The following LEFTY2 variants were observed in gnomAD, a reference collection of about 807,000 sequenced individuals.
LEFTY2 encodes the protein left-right determination factor 2, also known as TGF-beta-4.
LEFTY2 carries 10 observed loss-of-function variants against 26.4 expected under a neutral mutation model. The observed-to-expected ratio is 0.38, with a 90% CI of 0.23 to 0.64. The LOEUF (loss-of-function observed/expected upper bound fraction) is 0.64, where lower values mean the gene tolerates loss of function less well. Ranked by LOEUF, LEFTY2 falls within the 30% of genes least tolerant of loss-of-function variation. The probability of loss-of-function intolerance (pLI) is 0.56; values close to 1 mark genes in which losing one functional copy is unlikely to be tolerated. For synonymous variants in LEFTY2, 204 were observed against 234.1 expected, an observed-to-expected ratio of 0.87 and a Z score of 1.17; for missense variants, 407 against 502.1, an observed-to-expected ratio of 0.81 and a Z score of 1.81.
At position 225,941,013 on chromosome 1, in the gene LEFTY2, A is replaced by G; in HGVS notation, c.128T>C (p.Leu43Pro). The change falls in exon 1 of 4, where the codon CTG becomes CCG. Residue 43 changes from leucine (L) to proline (P), a missense_variant. Transcript: ENST00000366820. The part of the protein sequence containing the change: ...RQLQLSEVPV[L>P]DRADMEKLVI... ...CAGCTTCTCCATGTCGGCCCTGTCC[A>G]GTACGGGCACCTCGCTGAGCTGCAG... The G allele has an allele frequency of 1.2e-6, 2 of 1,613,362 alleles. No homozygotes were observed. The highest frequency in any genetic ancestry group is 1.7e-6 in the Non-Finnish European group (2 of 1,179,856).
At position 225,940,972 on chromosome 1, in the gene LEFTY2, C is replaced by A. The variant is rs115510690; in HGVS notation, c.169G>T (p.Val57Leu). 1 of 1,613,720 alleles carries A rather than the reference C, an allele frequency of 6.2e-7. No homozygotes were observed. Among genetic ancestry groups the A allele is most frequent in the African/African-American group, 1.3e-5 (1 of 75,044 alleles). The stretch of plus-strand genomic sequence containing the variant: ...AGCAGGACTACATACTGGGCCCTCA[C>A]GTGGGCGGGGATGACCAGCTTCTCC... ...DMEKLVIPAH[V>L]RAQYVVLLRR... The change falls in exon 1 of 4, where the codon GTG becomes TTG. Residue 57 changes from valine to leucine, a missense_variant. Transcript: ENST00000366820.
chr1:225,937,036 G>T lies in LEFTY2; in HGVS notation c.*405C>A, dbSNP rs189653868. ...AAAAGTCCAGAATGGGTCAGTATTT[G>T]GGGGAAATAGAGATTTGAAGGTTTT... On this transcript the variant is annotated 3_prime_UTR_variant, in exon 4 of 4. Transcript: ENST00000366820. 7.4e-4 allele frequency: 224 copies of T among 304,516 alleles called. 1 individual carries two copies. The highest frequency in any genetic ancestry group is 4.5e-3 in the African/African-American group (207 of 45,712). The allele number at this position is 304,516 out of a possible 1,614,324, so 18.9% of individuals were successfully genotyped here. A position where few individuals can be genotyped will look rare whatever the true frequency, so the allele number is the denominator to read the frequency against.
chr1:225,940,927 G>T lies in LEFTY2; in HGVS notation c.214C>A (p.Arg72Ser). The T allele has an allele frequency of 1.2e-6, 2 of 1,613,630 alleles. No individual in the cohort carries two copies. The highest frequency in any genetic ancestry group is 1.7e-6 in the Non-Finnish European group (2 of 1,179,798). ...VVLLRRSHGD[R>S]SRGKRFSQSF... ...TGGCTGAACCTCTTTCCGCGGGAGC[G>T]GTCCCCGTGGCTGCGCCGCAGCAGG... The change falls in exon 1 of 4, where the codon CGC (arginine) becomes AGC (serine). Residue 72 changes from arginine to serine, a missense_variant. By Grantham distance (110) the Arg-to-Ser change is moderately radical. Coordinates refer to ENST00000366820, the MANE Select transcript of LEFTY2 (RefSeq NM_003240.5).
In LEFTY2 at chr1:225,940,946, C is replaced by T. The variant is rs373309083; in HGVS notation, c.195G>A (p.Leu65=). The T allele has an allele frequency of 3.1e-6, 5 of 1,613,624 alleles. No homozygotes were observed. The highest frequency in any genetic ancestry group is 1.3e-5 in the African/African-American group (1 of 74,932). The change falls in exon 1 of 4, where the codon CTG becomes CTA. Residue 65 remains leucine, a synonymous_variant. Coordinates refer to ENST00000366820, the MANE Select transcript of LEFTY2 (RefSeq NM_003240.5). The stretch of plus-strand genomic sequence containing the variant: ...GGGAGCGGTCCCCGTGGCTGCGCCG[C>T]AGCAGGACTACATACTGGGCCCTCA... ...AHVRAQYVVL[L]RRSHGDRSRG...
intron 1 of LEFTY2, 80 bp downstream of exon 1, chr1:225,940,811 C>T (rs1672303288): frequency 3.1e-6 from 5 of 1,599,956 alleles, no homozygotes; most frequent in Non-Finnish European, 4.3e-6. Flanking sequence ...AGGCCAGGGG[C>T]CCTTCGACAC....
At position 225,939,401 on chromosome 1, in the gene LEFTY2, G is replaced by T. The variant is rs764833469; in HGVS notation, c.697C>A (p.Pro233Thr). 1.5e-5 allele frequency: 25 copies of T among 1,613,274 alleles called. No homozygotes were observed. Among genetic ancestry groups the T allele is most frequent in the African/African-American group, 2.7e-5 (2 of 74,924 alleles). ...TCCAGGGTGTGCAGCTCCAGCTGGG[G>T]CTCCCCAAGCCCGGCTGGCGCCCCC... The part of the protein sequence containing the change: ...SQGAPAGLGE[P>T]QLELHTLDLR... The change falls in exon 3 of 4, where the codon CCC (proline) becomes ACC (threonine). Residue 233 changes from proline (P) to threonine (T), a missense_variant. Physicochemically the swap from Pro to Thr is conservative, Grantham distance 38. Transcript: ENST00000366820. This position sits in a 1 kb window ranked among gnomAD's most constrained non-coding sequence, Gnocchi z 4.1.
In LEFTY2 at chr1:225,937,681, G is replaced by A; in HGVS notation, c.861C>T (p.Gly287=). 6.2e-7 allele frequency: 1 copy of A among 1,613,946 alleles called. No individual in the cohort carries two copies. The highest frequency in any genetic ancestry group is 8.5e-7 in the Non-Finnish European group (1 of 1,179,850). The change falls in exon 4 of 4, where the codon GGC becomes GGT. Residue 287 remains glycine (G), a synonymous_variant. Coordinates refer to ENST00000366820, the MANE Select transcript of LEFTY2 (RefSeq NM_003240.5). Reference sequence around the variant, plus strand: ...TGCCCACACACTCGTAAGCCAGGAAGCCCGGGGGCTCCAGCACCCAGTTCT... The same window carrying A: ...TGCCCACACACTCGTAAGCCAGGAAACCCGGGGGCTCCAGCACCCAGTTCT... The part of the protein sequence containing the change: ...WAKNWVLEPP[G]FLAYECVGTC...
Position 225,937,341 on chromosome 1 carries a change from A to G in LEFTY2, c.*100T>C. ...GGCGAAGGTCACACAGGAGCACTAA[A>G]TTGGGATGGAGTAACTTGCTAAGTA... On this transcript the variant is annotated 3_prime_UTR_variant, in exon 4 of 4. Transcript: ENST00000366820. The G allele has an allele frequency of 6.3e-7, 1 of 1,588,902 alleles. No homozygotes were observed. Among genetic ancestry groups the G allele is most frequent in the South Asian group, 1.1e-5 (1 of 90,292 alleles).
Position 225,937,444 on chromosome 1 carries a change from T to C in LEFTY2, c.1098A>G (p.Pro366=), listed in dbSNP as rs756126244. 5.0e-6 allele frequency: 8 copies of C among 1,613,844 alleles called. No homozygotes were observed. Among genetic ancestry groups the C allele is most frequent in the Non-Finnish European group, 5.1e-6 (6 of 1,180,044 alleles). The change falls in exon 4 of 4, where the codon CCA becomes CCG. Residue 366 remains proline (P), a synonymous_variant. Transcript: ENST00000366820. ...DGALVPRRLQ[P] ...GCTCAATGGATACACCAGGCGCCTA[T>C]GGCTGGAGCCTCCTTGGCACGAGCG...
Position 225,939,117 on chromosome 1 carries a change from C to G in LEFTY2, c.737+244G>C, listed in dbSNP as rs1407422639. On this transcript the variant is annotated intron_variant, in intron 3 of 3. Coordinates refer to ENST00000366820, the MANE Select transcript of LEFTY2 (RefSeq NM_003240.5). This position sits in a 1 kb window ranked among gnomAD's most constrained non-coding sequence, Gnocchi z 4.1. ...AAACTCCTGATCTTGTGATCCAGCC[C>G]GCCTCGGCCTCCCAAAGTGCTAGGA... 1.3e-5 allele frequency among the ~76,000 whole-genome samples: 2 copies of G among 151,864 alleles called. No homozygotes were observed. The highest frequency in any genetic ancestry group is 2.4e-5 in the African/African-American group (1 of 41,348).
Position 225,939,327 on chromosome 1 carries a change from T to A in LEFTY2, c.737+34A>T. On this transcript the variant is annotated intron_variant, in intron 3 of 3. Coordinates refer to ENST00000366820, the MANE Select transcript of LEFTY2 (RefSeq NM_003240.5). The surrounding 1 kb of genome is among the most constrained non-coding windows in gnomAD (Gnocchi z 4.1). ...ACGGGGGTCTGGACCACTCAGTGGC[T>A]GCTTGCCTCCCTTCTGCCCAGTCCT... 1 of 1,612,924 alleles carries A rather than the reference T, an allele frequency of 6.2e-7. No homozygotes were observed. Among genetic ancestry groups the A allele is most frequent in the Non-Finnish European group, 8.5e-7 (1 of 1,179,638 alleles).
At position 225,937,288 on chromosome 1, in the gene LEFTY2, G is replaced by T; in HGVS notation, c.*153C>A. 2 of 1,248,692 alleles carry T rather than the reference G, an allele frequency of 1.6e-6. No individual in the cohort carries two copies. The highest frequency in any genetic ancestry group is 1.3e-5 in the South Asian group (1 of 79,720). 77.4% of individuals were successfully genotyped at this position (1,248,692 alleles called of 1,614,324 possible). ...TAAGTGCTTAGGATGGGTGATGGAC[G>T]GGAAAGACAGGAAATGGAAGGACAC... is the stretch of plus-strand genomic sequence containing the variant. On this transcript the variant is annotated 3_prime_UTR_variant, in exon 4 of 4. Transcript: ENST00000366820.
At chr1:225,940,763 G>C in intron 1 of LEFTY2, 128 bp downstream of exon 1, 1 of 1,424,478 alleles carries the variant, frequency 7.0e-7, no homozygotes, top group Non-Finnish European at 9.6e-7. Context: ...CTGCTCCTTG[G>C]ACCGTGGCCC....
rs115510690 is a variant in LEFTY2, at chr1:225,940,972, C to T, written c.169G>A (p.Val57Met). 2.8e-4 allele frequency: 445 copies of T among 1,613,720 alleles called. 3 individuals carry two copies. In the African/African-American group the frequency reaches 4.7e-3, roughly 17 times the overall value. ...DMEKLVIPAHVRAQYVVLLRR... is the reference protein window; with the variant it reads ...DMEKLVIPAHMRAQYVVLLRR... ...AGCAGGACTACATACTGGGCCCTCA[C>T]GTGGGCGGGGATGACCAGCTTCTCC... The change falls in exon 1 of 4, where the codon GTG becomes ATG. Residue 57 changes from valine to methionine, a missense_variant. Coordinates refer to ENST00000366820, the MANE Select transcript of LEFTY2 (RefSeq NM_003240.5).
In LEFTY2 at chr1:225,939,484, C is replaced by G. The variant is rs776106315; in HGVS notation, c.614G>C (p.Arg205Thr). 3 of 1,611,372 alleles carry G rather than the reference C, an allele frequency of 1.9e-6. No individual in the cohort carries two copies. Among genetic ancestry groups the G allele is most frequent in the Admixed American group, 1.7e-5 (1 of 59,826 alleles). ...GGACGCCAGCGGGCCCAGATGCTCC[C>G]TCTGCACCGACACCTGTAGCAGCAG... Reference protein sequence around the residue: ...QPLLLQVSVQREHLGPLASGA... With the variant: ...QPLLLQVSVQTEHLGPLASGA... Residue 205 changes from arginine to threonine, a missense_variant, in exon 3 of 4, where the codon AGG becomes ACG. By Grantham distance (71) the Arg-to-Thr change is moderately conservative. Transcript: ENST00000366820. The surrounding 1 kb of genome is among the most constrained non-coding windows in gnomAD (Gnocchi z 4.1).
rs1469955332 is a variant in LEFTY2 at position 225,936,699 on chromosome 1, G to A, written c.*742C>T. On this transcript the variant is annotated 3_prime_UTR_variant, in exon 4 of 4. Coordinates refer to ENST00000366820, the MANE Select transcript of LEFTY2 (RefSeq NM_003240.5). The stretch of plus-strand genomic sequence containing the variant: ...AAATACATGTGGTTTCTGGTGACAA[G>A]TTCTCTAAGACAGTGTGGGAAATGA... 2 of 152,218 alleles carry A rather than the reference G, an allele frequency of 1.3e-5. No homozygotes were observed. The highest frequency in any genetic ancestry group is 1.3e-4 in the Admixed American group (2 of 15,284). 9.4% of individuals were successfully genotyped at this position (152,218 alleles called of 1,614,324 possible).
Position 225,937,189 on chromosome 1 carries a change from C to T in LEFTY2, c.*252G>A. ...CCCAGCTGAAAATGTGTGCATTGCTCAGCTGTATCTTGTAATCAGCATGCC... is the reference window on the plus strand; with the variant it reads ...CCCAGCTGAAAATGTGTGCATTGCTTAGCTGTATCTTGTAATCAGCATGCC... On this transcript the variant is annotated 3_prime_UTR_variant, in exon 4 of 4. Transcript: ENST00000366820. 1 of 602,436 alleles carries T rather than the reference C, an allele frequency of 1.7e-6. No individual in the cohort carries two copies. The highest frequency in any genetic ancestry group is 2.9e-5 in the East Asian group (1 of 35,084). The allele number at this position is 602,436 out of a possible 1,614,324, so 37.3% of individuals were successfully genotyped here. A position where few individuals can be genotyped will look rare whatever the true frequency, so the allele number is the denominator to read the frequency against.
At position 225,937,317 on chromosome 1, in the gene LEFTY2, G is replaced by A; in HGVS notation, c.*124C>T. The A allele has an allele frequency of 6.7e-7, 1 of 1,500,530 alleles. No homozygotes were observed. The highest frequency in any genetic ancestry group is 2.3e-5 in the East Asian group (1 of 44,360). The allele number at this position is 1,500,530 out of a possible 1,614,324, so 93.0% of individuals were successfully genotyped here. On this transcript the variant is annotated 3_prime_UTR_variant, in exon 4 of 4. Coordinates refer to ENST00000366820, the MANE Select transcript of LEFTY2 (RefSeq NM_003240.5). Reference sequence around the variant, plus strand: ...AAGACAGGAAATGGAAGGACACAGGGCGAAGGTCACACAGGAGCACTAAAT... The same window carrying A: ...AAGACAGGAAATGGAAGGACACAGGACGAAGGTCACACAGGAGCACTAAAT...
Position 225,937,178 on chromosome 1 carries a change from T to C in LEFTY2, c.*263A>G, listed in dbSNP as rs1310392639. 5 of 580,976 alleles carry C rather than the reference T, an allele frequency of 8.6e-6. No homozygotes were observed. The highest frequency in any genetic ancestry group is 4.1e-5 in the South Asian group (2 of 48,724). The allele number at this position is 580,976 out of a possible 1,614,324, so 36.0% of individuals were successfully genotyped here. On this transcript the variant is annotated 3_prime_UTR_variant, in exon 4 of 4. Coordinates refer to ENST00000366820, the MANE Select transcript of LEFTY2 (RefSeq NM_003240.5). ...GAACAGAAACTCCCAGCTGAAAATG[T>C]GTGCATTGCTCAGCTGTATCTTGTA... is the stretch of plus-strand genomic sequence containing the variant.
Sources: allele counts gnomAD v4.1 joint callset (sites outside exome capture counted in the v4.1 genomes callset), GRCh38; gene constraint gnomAD v4.1.1; non-coding constraint Gnocchi (gnomAD v3.1); transcripts MANE v1.5; gene names NCBI Gene and HGNC (gene_info 2026-07-23, HGNC 2026-07-21).